PPP1R1C: variants seen among roughly 807,000 people sequenced by gnomAD.
The protein encoded by PPP1R1C is protein phosphatase 1 regulatory subunit 1C.
Under a neutral mutation model 17.4 loss-of-function variants are expected in PPP1R1C, and 15 were observed. The observed-to-expected ratio is 0.86, with a 90% CI of 0.58 to 1.33. The LOEUF (loss-of-function observed/expected upper bound fraction) is 1.33. Ranked by LOEUF, PPP1R1C falls within the 40% of genes most tolerant of loss-of-function variation. The pLI, the probability that PPP1R1C is intolerant of heterozygous loss-of-function variation, is 0.00. For synonymous variants in PPP1R1C, 35 were observed against 43.1 expected, an observed-to-expected ratio of 0.81 and a Z score of 0.73; for missense variants, 143 against 130.0, an observed-to-expected ratio of 1.10 and a Z score of -0.48.
At chr2:182,047,700 T>C (rs1426574862) in intron 2 of PPP1R1C, among the ~76,000 whole-genome samples, 1 of 152,186 alleles carries the variant, frequency 6.6e-6, no homozygotes, top group Non-Finnish European at 1.5e-5. Context: ...TGTGGTAGGA[T>C]AAAATATGTC....
upstream of PPP1R1C, among the ~76,000 whole-genome samples, chr2:181,980,955 G>A (rs1477760938): frequency 6.9e-6 from 1 of 144,764 alleles, no homozygotes; most frequent in East Asian, 2.0e-4. Context: ...TTGAGACGGA[G>A]TCTCGCTCTG....
At chr2:182,046,361 A>G (rs1227755296) in intron 2 of PPP1R1C, among the ~76,000 whole-genome samples, 1 of 152,036 alleles carries the variant, frequency 6.6e-6, no homozygotes, top group African/African-American at 2.4e-5. Flanking sequence ...TCTCTGTGAA[A>G]CCCAATATTA....
chr2:182,021,359 C>T (rs971765011), intron 2 of PPP1R1C, among the ~76,000 whole-genome samples: 4 of 125,444 alleles, frequency 3.2e-5, no homozygotes, highest in African/African-American at 6.1e-5. Flanking sequence ...AATGGAGTCT[C>T]GCTCTGTCAC....
intron 2 of PPP1R1C, among the ~76,000 whole-genome samples, chr2:182,021,379 G>C (rs1574383691): frequency 7.3e-6 from 1 of 136,262 alleles, no homozygotes; most frequent in Non-Finnish European, 1.5e-5. Context: ...CCAGGCTGGA[G>C]TGCAGTGGCA....
At chr2:182,115,494 CA>C (rs1689555446) in intron 4 of PPP1R1C, among the ~76,000 whole-genome samples, 1 of 152,068 alleles carries the variant, frequency 6.6e-6, no homozygotes, top group Non-Finnish European at 1.5e-5. Context: ...GTGTTTACCA[CA>C]AGGAGTTGTG....
intron 2 of PPP1R1C, among the ~76,000 whole-genome samples, chr2:182,016,263 T>A (rs1341368974): frequency 1.3e-5 from 2 of 152,220 alleles, no homozygotes; most frequent in Non-Finnish European, 2.9e-5. Flanking sequence ...AGGGGTGGCA[T>A]CAGCAATTCA....
chr2:182,071,515 C>A (rs1344427513), intron 4 of PPP1R1C, among the ~76,000 whole-genome samples: 2 of 152,114 alleles, frequency 1.3e-5, no homozygotes, highest in Admixed American at 6.5e-5. Flanking sequence ...TTTGGAGATT[C>A]TTCACTGTAA....
In PPP1R1C at chr2:181,962,421, G is replaced by A; in HGVS notation, n.111+7787G>A. The stretch of plus-strand genomic sequence containing the variant: ...GGCCGGGCGCCGTAGTTGGACACCT[G>A]GACAGAGCCCAGGAACAGGTAGTTG... On this transcript the variant is annotated intron_variant and non_coding_transcript_variant, in intron 1 of 5. Transcript: ENST00000464264. The surrounding 1 kb of genome is among the most constrained non-coding windows in gnomAD (Gnocchi z 6.0). 2.8e-6 allele frequency: 2 copies of A among 713,802 alleles called. No individual in the cohort carries two copies. The highest frequency in any genetic ancestry group is 5.1e-6 in the Non-Finnish European group (2 of 390,038). 44.2% of individuals were successfully genotyped at this position (713,802 alleles called of 1,614,324 possible).
chr2:182,014,038 T>A (rs1208475772), intron 2 of PPP1R1C, among the ~76,000 whole-genome samples: 1 of 152,224 alleles, frequency 6.6e-6, no homozygotes, highest in Non-Finnish European at 1.5e-5. Context: ...TGGTCCCCAG[T>A]ACCATATTTA....
chr2:181,966,576 T>G (rs112170864), intron 1 of PPP1R1C, among the ~76,000 whole-genome samples: 2,272 of 152,330 alleles, frequency 0.015, 50 homozygotes, highest in African/African-American at 0.051. Flanking sequence ...CATATGGCTT[T>G]TGTCCTTCAT....
intron 5 of PPP1R1C, among the ~76,000 whole-genome samples, chr2:182,124,327 G>GTTTTTTTTTTGTTTTTTTTTTTTT (rs1689816316): frequency 3.6e-5 from 3 of 83,008 alleles, no homozygotes; most frequent in Admixed American, 1.3e-4. Flanking sequence ...TTTTTTTTTT[G>GTTTTTTTTTTGTTTTTTTTTTTTT]TTTTTTTTTT....
At chr2:182,075,903 A>G (rs542011997) in intron 4 of PPP1R1C, among the ~76,000 whole-genome samples, 4 of 152,270 alleles carry the variant, frequency 2.6e-5, no homozygotes, top group Non-Finnish European at 5.9e-5. Context: ...TTATGTATCA[A>G]AAATTGTCAC....
intron 4 of PPP1R1C, among the ~76,000 whole-genome samples, chr2:182,115,258 C>A (rs1689548859): frequency 6.6e-6 from 1 of 152,030 alleles, no homozygotes; most frequent in East Asian, 1.9e-4. Flanking sequence ...ATGATAAATC[C>A]TAGAGAATGA....
chr2:182,095,404 T>A (rs780023266), intron 4 of PPP1R1C, among the ~76,000 whole-genome samples: 5 of 152,246 alleles, frequency 3.3e-5, no homozygotes, highest in Non-Finnish European at 7.3e-5. Context: ...ACATTTTAGA[T>A]ATTTGGCTTG....
At chr2:181,982,074 A>G (rs1336917537), upstream of PPP1R1C, among the ~76,000 whole-genome samples, 2 of 152,224 alleles carry the variant, frequency 1.3e-5, no homozygotes, top group East Asian at 3.8e-4. Flanking sequence ...TTTAAAACAA[A>G]GCCTGGAATA....
chr2:181,980,378 A>G (rs184747962), intron 2 of PPP1R1C, among the ~76,000 whole-genome samples: 3 of 152,290 alleles, frequency 2.0e-5, no homozygotes, highest in East Asian at 3.9e-4. Flanking sequence ...GCGAATTCCA[A>G]GTCTTCCTCA....
intron 1 of PPP1R1C, among the ~76,000 whole-genome samples, chr2:181,963,138 C>G (rs1007298376): frequency 2.6e-5 from 4 of 152,132 alleles, no homozygotes; most frequent in African/African-American, 9.7e-5. Context: ...AAATACAATA[C>G]AAACATTATC....
intron 4 of PPP1R1C, among the ~76,000 whole-genome samples, chr2:182,078,419 T>G (rs908663781): frequency 1.3e-5 from 2 of 152,180 alleles, no homozygotes; most frequent in African/African-American, 4.8e-5. Flanking sequence ...TTCATGAGTC[T>G]ATCAGCCCCA....
At chr2:182,113,037 A>C (rs1280719952) in intron 4 of PPP1R1C, among the ~76,000 whole-genome samples, 1 of 152,160 alleles carries the variant, frequency 6.6e-6, no homozygotes, top group Non-Finnish European at 1.5e-5. Context: ...TCCTTTGTGG[A>C]TTAATAGCAT....
Sources: gnomAD v4.1 joint callset for allele counts (sites outside exome capture counted in the v4.1 genomes callset) on GRCh38, gnomAD v4.1.1 for gene constraint, Gnocchi (gnomAD v3.1) non-coding constraint, MANE v1.5 for transcripts, NCBI Gene and HGNC (gene_info 2026-07-23, HGNC 2026-07-21) for gene names.